The following CHD9 variants were observed in gnomAD, a reference collection of about 807,000 sequenced individuals.
CHD9 encodes ATP-dependent chromatin remodeler CHD9.
Under a neutral mutation model 316.1 loss-of-function variants are expected in CHD9, and 77 were observed. That is an observed-to-expected ratio of 0.24 (90% CI 0.20 to 0.29). CHD9 has a LOEUF of 0.29. CHD9 is among the 10% of genes least tolerant of loss of function. The pLI, the probability that CHD9 is intolerant of heterozygous loss-of-function variation, is 1.00. For missense variants in CHD9, 2,763 were observed against 3,438.1 expected (o/e 0.80, Z 4.91); for synonymous variants, 1,129 against 1,158.3 (o/e 0.97, Z 0.51).
intron 2 of CHD9, among the ~76,000 whole-genome samples, chr16:53,160,723 A>C (rs1315101449): frequency 6.6e-6 from 1 of 152,154 alleles, no homozygotes; most frequent in South Asian, 2.1e-4. Flanking sequence ...CCTGGCCAAC[A>C]TGGTGAAACC....
At chr16:53,146,801 A>T (rs2152724717) in intron 1 of CHD9, among the ~76,000 whole-genome samples, 1 of 152,000 alleles carries the variant, frequency 6.6e-6, no homozygotes, top group Middle Eastern at 3.4e-3. Flanking sequence ...GGTCTCAAAA[A>T]AAAAAAAAAA....
chr16:53,297,177 T>C lies in CHD9; in HGVS notation c.5713+19T>C. 1 of 1,584,500 alleles carries C rather than the reference T, an allele frequency of 6.3e-7. No homozygotes were observed. Among genetic ancestry groups the C allele is most frequent in the South Asian group, 1.1e-5 (1 of 87,552 alleles). On this transcript the variant is annotated intron_variant, in intron 30 of 38. Coordinates refer to ENST00000447540, the MANE Select transcript of CHD9 (RefSeq NM_001308319.2). Reference sequence around the variant, plus strand: ...AAAGAAGGTATGTATAAAATTTCTTTTTCCTGGTTTCGGTCAAAGAAGCAA... The same window carrying C: ...AAAGAAGGTATGTATAAAATTTCTTCTTCCTGGTTTCGGTCAAAGAAGCAA...
rs368117523 is a variant in CHD9 at position 53,292,934 on chromosome 16, A to G, written c.5392A>G (p.Asn1798Asp). The G allele has an allele frequency of 1.2e-6, 2 of 1,613,832 alleles. No individual in the cohort carries two copies. The highest frequency in any genetic ancestry group is 2.2e-5 in the East Asian group (1 of 44,862). The stretch of plus-strand genomic sequence containing the variant: ...CACTGCATACCAGCGTACTAATAAA[A>G]ACAGACAAATTCAGCAGATACAACC... ...LITAYQRTNK[N>D]RQIQQIQPTF... Residue 1798 changes from asparagine (N) to aspartate (D), a missense_variant, in exon 29 of 39, where the codon AAC becomes GAC. Coordinates refer to ENST00000447540, the MANE Select transcript of CHD9 (RefSeq NM_001308319.2).
chr16:53,154,977 C>T (rs1471986901), intron 1 of CHD9, among the ~76,000 whole-genome samples: 1 of 152,088 alleles, frequency 6.6e-6, no homozygotes, highest in Non-Finnish European at 1.5e-5. Context: ...AATATGTCTA[C>T]TCTAGAGTTC....
chr16:53,304,688 CTTTTCTTTTT>C (rs1375517679), intron 31 of CHD9, 63 bp downstream of exon 31: 221 of 795,098 alleles, frequency 2.8e-4, no homozygotes, highest in Non-Finnish European at 3.3e-4. Context: ...CTTTTCTTTT[CTTTTCTTTTT>C]TTTTTTTTTT....
At chr16:53,297,257 ACTAT>A in intron 30 of CHD9, 99 bp downstream of exon 30, 1 of 803,666 alleles carries the variant, frequency 1.2e-6, no homozygotes, top group Non-Finnish European at 2.1e-6. Context: ...AAATTTCAAT[ACTAT>A]CTAATTCAAC....
chr16:53,324,259 A>G lies in CHD9; in HGVS notation c.8058A>G (p.Gln2686=), dbSNP rs1462457606. ...ACCTACAAAACTTGCAGTCACTGCA[A>G]GTAACTGCTGGGTTGATGGGAATGC... ...QQNLQNLQSL[Q]VTAGLMGMPT... The change falls in exon 39 of 39, where the codon CAA becomes CAG. Residue 2686 remains glutamine, a synonymous_variant. Coordinates refer to ENST00000447540, the MANE Select transcript of CHD9 (RefSeq NM_001308319.2). 9 of 1,613,886 alleles carry G rather than the reference A, an allele frequency of 5.6e-6. No individual in the cohort carries two copies. Among genetic ancestry groups the G allele is most frequent in the Non-Finnish European group, 7.6e-6 (9 of 1,179,892 alleles).
intron 2 of CHD9, among the ~76,000 whole-genome samples, chr16:53,180,363 G>A (rs1366214310): frequency 6.6e-6 from 1 of 152,106 alleles, no homozygotes; most frequent in Non-Finnish European, 1.5e-5. Flanking sequence ...GAAAATGTTG[G>A]TTAAAACTGG....
chr16:53,178,436 T>TC (rs1317790612), intron 2 of CHD9, among the ~76,000 whole-genome samples: 2 of 145,668 alleles, frequency 1.4e-5, no homozygotes, highest in Non-Finnish European at 3.0e-5. Flanking sequence ...TCTTTTTTTT[T>TC]TTTTTTTTTT....
At chr16:53,163,827 T>A (rs1226092048) in intron 2 of CHD9, among the ~76,000 whole-genome samples, 1 of 152,170 alleles carries the variant, frequency 6.6e-6, no homozygotes, top group Non-Finnish European at 1.5e-5. Context: ...TAATAAAAAA[T>A]TAGAATAGGT....
chr16:53,060,783 T>C (rs1377625609), intron 1 of CHD9, among the ~76,000 whole-genome samples: 1 of 151,978 alleles, frequency 6.6e-6, no homozygotes, highest in Non-Finnish European at 1.5e-5. Flanking sequence ...TAGCTGGGCA[T>C]GGTGGCATGC....
intron 4 of CHD9, among the ~76,000 whole-genome samples, chr16:53,224,154 C>G (rs1016889188): frequency 6.6e-6 from 1 of 152,018 alleles, no homozygotes; most frequent in Non-Finnish European, 1.5e-5. Context: ...TCTGTTGAAG[C>G]CTTTAAGACT....
chr16:53,125,989 G>C (rs1211350973), intron 1 of CHD9, among the ~76,000 whole-genome samples: 1 of 152,090 alleles, frequency 6.6e-6, no homozygotes, highest in African/African-American at 2.4e-5. Context: ...ACACTGAAAA[G>C]GTTTTCTATT....
intron 2 of CHD9, among the ~76,000 whole-genome samples, chr16:53,161,352 A>G (rs12599521): frequency 1.3e-5 from 2 of 152,034 alleles, no homozygotes; most frequent in Non-Finnish European, 2.9e-5. Context: ...TTTTTTACCT[A>G]TATAATTTTT....
At chr16:53,198,055 T>C (rs1414318625) in intron 2 of CHD9, among the ~76,000 whole-genome samples, 1 of 152,114 alleles carries the variant, frequency 6.6e-6, no homozygotes, top group Non-Finnish European at 1.5e-5. Flanking sequence ...GCGTATCGAC[T>C]CTCCAACCAT....
At chr16:53,151,881 A>G (rs777397167) in intron 1 of CHD9, among the ~76,000 whole-genome samples, 1 of 152,052 alleles carries the variant, frequency 6.6e-6, no homozygotes, top group Non-Finnish European at 1.5e-5. Context: ...TTGACCATCA[A>G]ATCTAATGGA....
intron 1 of CHD9, among the ~76,000 whole-genome samples, chr16:53,063,860 G>T (rs1315705174): frequency 6.8e-6 from 1 of 147,238 alleles, no homozygotes; most frequent in Non-Finnish European, 1.5e-5. Context: ...AGAAAGACAG[G>T]ATCTCACTCT....
At chr16:53,273,036 C>T (rs2052426678) in intron 22 of CHD9, among the ~76,000 whole-genome samples, 1 of 151,926 alleles carries the variant, frequency 6.6e-6, no homozygotes, top group Admixed American at 6.6e-5. Context: ...TTGCAGTGAG[C>T]CGACATCACG....
At chr16:53,160,025 A>G (rs1353773920) in intron 2 of CHD9, among the ~76,000 whole-genome samples, 3 of 152,138 alleles carry the variant, frequency 2.0e-5, no homozygotes, top group Non-Finnish European at 4.4e-5. Context: ...CCCTCTTTTT[A>G]TGACATGAGT....
Sources: gnomAD v4.1 joint callset for allele counts (sites outside exome capture counted in the v4.1 genomes callset) on GRCh38, gnomAD v4.1.1 for gene constraint, MANE v1.5 for transcripts, NCBI Gene and HGNC (gene_info 2026-07-23, HGNC 2026-07-21) for gene names.